The following MBOAT1 variants were observed in gnomAD, a reference collection of about 807,000 sequenced individuals.
The protein encoded by MBOAT1 is membrane-bound glycerophospholipid O-acyltransferase 1.
A neutral mutation model predicts 64.4 loss-of-function variants in MBOAT1; 67 were observed. The observed-to-expected ratio is 1.04, with a 90% CI of 0.85 to 1.27. MBOAT1 has a LOEUF of 1.27. Among genes scored for constraint, MBOAT1 ranks in the 50% most tolerant of loss-of-function variants. MBOAT1 has a pLI of 0.00. For missense variants in MBOAT1, 563 were observed against 604.6 expected, an observed-to-expected ratio of 0.93 and a Z score of 0.72; for synonymous variants, 229 against 218.9, an observed-to-expected ratio of 1.05 and a Z score of -0.41.
intron 9 of MBOAT1, among the ~76,000 whole-genome samples, chr6:20,116,970 A>T (rs1487850454): frequency 6.6e-6 from 1 of 152,200 alleles, no homozygotes; most frequent in African/African-American, 2.4e-5. Context: ...GGAAAGTCAT[A>T]ACACACTTGA....
At chr6:20,173,906 C>A (rs374963001) in intron 1 of MBOAT1, among the ~76,000 whole-genome samples, 1 of 152,118 alleles carries the variant, frequency 6.6e-6, no homozygotes, top group African/African-American at 2.4e-5. Flanking sequence ...GCCGGGATCA[C>A]GCCACTGCAC....
intron 1 of MBOAT1, among the ~76,000 whole-genome samples, chr6:20,186,328 C>T (rs772864773): frequency 5.9e-5 from 9 of 152,228 alleles, no homozygotes; most frequent in Non-Finnish European, 5.9e-5. Flanking sequence ...TGCTTATGTG[C>T]GCCATCTCCA....
At chr6:20,197,772 C>A (rs1221762245) in intron 1 of MBOAT1, among the ~76,000 whole-genome samples, 1 of 152,112 alleles carries the variant, frequency 6.6e-6, no homozygotes, top group Non-Finnish European at 1.5e-5. Flanking sequence ...TCGTCAGGAC[C>A]CCCTGAGGCT....
rs1361514378 is a variant in MBOAT1 at position 20,109,703 on chromosome 6, T to A, written c.1256A>T (p.Lys419Met). Reference protein sequence around the residue: ...RHYFLSSRALKAVYDAGTWAV... With the variant: ...RHYFLSSRALMAVYDAGTWAV... ...CCAGGTGCCTGCATCATACACAGCC[T>A]TGAGAGCTCTTGAAGAAAGGAAGTA... The change falls in exon 12 of 13, where the codon AAG becomes ATG. Residue 419 changes from lysine (K) to methionine (M), a missense_variant. By Grantham distance (95) the Lys-to-Met change is moderately conservative. Coordinates refer to ENST00000324607, the MANE Select transcript of MBOAT1 (RefSeq NM_001080480.3). 2 of 1,614,036 alleles carry A rather than the reference T, an allele frequency of 1.2e-6. No individual in the cohort carries two copies. Among genetic ancestry groups the A allele is most frequent in the Admixed American group, 3.3e-5 (2 of 60,014 alleles).
At chr6:20,194,091 C>T (rs374031551) in intron 1 of MBOAT1, among the ~76,000 whole-genome samples, 10 of 150,272 alleles carry the variant, frequency 6.7e-5, no homozygotes, top group African/African-American at 2.5e-4. Context: ...ATTATAAGCT[C>T]AATGTTTACA....
intron 1 of MBOAT1, among the ~76,000 whole-genome samples, chr6:20,155,995 G>A (rs1002448298): frequency 2.0e-5 from 3 of 152,084 alleles, no homozygotes; most frequent in South Asian, 2.1e-4. Context: ...AGGGTCCAGC[G>A]CGGTGGCTCA....
chr6:20,139,263 G>A (rs1761095316), intron 4 of MBOAT1, among the ~76,000 whole-genome samples: 1 of 152,142 alleles, frequency 6.6e-6, no homozygotes, highest in Admixed American at 6.6e-5. Context: ...GTAGCTGTGG[G>A]ACTACAGGCA....
At chr6:20,123,343 G>T (rs904847748) in intron 8 of MBOAT1, among the ~76,000 whole-genome samples, 1 of 152,098 alleles carries the variant, frequency 6.6e-6, no homozygotes, top group Non-Finnish European at 1.5e-5. Flanking sequence ...GACATCAAGC[G>T]CAGGTCGCTT....
chr6:20,107,089 T>A (rs1376859902), intron 12 of MBOAT1, among the ~76,000 whole-genome samples: 1 of 152,206 alleles, frequency 6.6e-6, no homozygotes, highest in African/African-American at 2.4e-5. Context: ...ACTCCACTAC[T>A]GATATTGCTA....
chr6:20,144,894 C>A (rs1462656179), intron 3 of MBOAT1, among the ~76,000 whole-genome samples: 1 of 152,162 alleles, frequency 6.6e-6, no homozygotes, highest in Non-Finnish European at 1.5e-5. Context: ...CAGCTTGGGA[C>A]CCTGCCCTTC....
At chr6:20,147,620 C>T (rs992280187) in intron 3 of MBOAT1, among the ~76,000 whole-genome samples, 11 of 148,022 alleles carry the variant, frequency 7.4e-5, no homozygotes, top group African/African-American at 2.3e-4. Flanking sequence ...GACTGGGCAA[C>T]GAGAGCAAAC....
intron 1 of MBOAT1, among the ~76,000 whole-genome samples, chr6:20,209,141 T>C (rs187578089): frequency 8.4e-4 from 128 of 152,332 alleles, no homozygotes; most frequent in Non-Finnish European, 1.3e-3. Context: ...TAACTCCATA[T>C]TTGCTCACTG....
At chr6:20,162,398 C>T (rs1761890692) in intron 1 of MBOAT1, among the ~76,000 whole-genome samples, 1 of 152,206 alleles carries the variant, frequency 6.6e-6, no homozygotes, top group African/African-American at 2.4e-5. Context: ...CCACTACAGA[C>T]AGCACCAGAG....
chr6:20,126,129 A>G (rs1760641764), intron 7 of MBOAT1, among the ~76,000 whole-genome samples: 1 of 152,234 alleles, frequency 6.6e-6, no homozygotes, highest in Non-Finnish European at 1.5e-5. Flanking sequence ...AGAAAAACAC[A>G]GTAATTCCAG....
intron 1 of MBOAT1, among the ~76,000 whole-genome samples, chr6:20,193,669 C>T (rs1762872348): frequency 6.8e-6 from 1 of 146,656 alleles, no homozygotes; most frequent in African/African-American, 2.5e-5. Context: ...TGCAGTGGCA[C>T]AATCTCTGCT....
At chr6:20,193,398 G>A (rs1317923892) in intron 1 of MBOAT1, among the ~76,000 whole-genome samples, 3 of 152,182 alleles carry the variant, frequency 2.0e-5, no homozygotes, top group East Asian at 1.9e-4. Flanking sequence ...GACTGAATCC[G>A]GTACCTGAGA....
At chr6:20,145,111 C>G (rs1228172956) in intron 3 of MBOAT1, among the ~76,000 whole-genome samples, 1 of 152,166 alleles carries the variant, frequency 6.6e-6, no homozygotes, top group Non-Finnish European at 1.5e-5. Context: ...CCTAAAATTC[C>G]TATGTTTAAA....
intron 1 of MBOAT1, among the ~76,000 whole-genome samples, chr6:20,175,550 G>A (rs1296328137): frequency 2.0e-5 from 3 of 151,836 alleles, no homozygotes; most frequent in Non-Finnish European, 2.9e-5. Context: ...GGGTTCAAGC[G>A]ATTCTCCTGT....
At chr6:20,144,444 T>C (rs1761272406) in intron 3 of MBOAT1, 129 bp from the exon 4 acceptor site, 2 of 632,992 alleles carry the variant, frequency 3.2e-6, no homozygotes, top group East Asian at 5.5e-5. Context: ...TCTGACGACA[T>C]CCCAGGCCAC....
Sources: gnomAD v4.1 joint callset for allele counts (sites outside exome capture counted in the v4.1 genomes callset) on GRCh38, gnomAD v4.1.1 for gene constraint, MANE v1.5 for transcripts, NCBI Gene and HGNC (gene_info 2026-07-23, HGNC 2026-07-21) for gene names.